Variants in FRMD4A observed in about 807,000 individuals in gnomAD.
The protein encoded by FRMD4A is FERM domain containing 4A.
A neutral mutation model predicts 129.1 loss-of-function variants in FRMD4A; 29 were observed. The ratio of observed to expected loss-of-function variants is 0.22; its 90% CI spans 0.17 to 0.31. FRMD4A has a LOEUF of 0.31. Ranked by LOEUF, FRMD4A falls within the 10% of genes least tolerant of loss-of-function variation. The pLI, the probability that FRMD4A is intolerant of heterozygous loss-of-function variation, is 1.00. For synonymous variants in FRMD4A, 634 were observed against 571.6 expected (o/e 1.11, Z -1.56); for missense variants, 1,272 against 1,375.8 (o/e 0.92, Z 1.19).
chr10:14,153,504 A>G (rs1840443421), intron 2 of FRMD4A, among the ~76,000 whole-genome samples: 1 of 152,178 alleles, frequency 6.6e-6, no homozygotes, highest in Non-Finnish European at 1.5e-5. Flanking sequence ...GCAGCAACCA[A>G]TCAGAACTGG....
chr10:14,020,266 A>G (rs1402884206), intron 2 of FRMD4A, among the ~76,000 whole-genome samples: 5 of 152,306 alleles, frequency 3.3e-5, no homozygotes, highest in South Asian at 2.1e-4. Context: ...AGTGATGACA[A>G]CTAATTATGA....
At chr10:13,816,689 A>G (rs927823828) in intron 3 of FRMD4A, among the ~76,000 whole-genome samples, 1 of 152,220 alleles carries the variant, frequency 6.6e-6, no homozygotes, top group African/African-American at 2.4e-5. Context: ...ATCTGCTCTT[A>G]TGTGCTTTGA....
At chr10:14,247,645 T>A (rs1015684515) in intron 2 of FRMD4A, among the ~76,000 whole-genome samples, 2 of 152,154 alleles carry the variant, frequency 1.3e-5, no homozygotes, top group African/African-American at 4.8e-5. Flanking sequence ...ACATTTATTC[T>A]TTTCCTTTAA....
chr10:14,073,927 C>T (rs996599744), intron 2 of FRMD4A, among the ~76,000 whole-genome samples: 3 of 152,076 alleles, frequency 2.0e-5, no homozygotes, highest in African/African-American at 7.2e-5. Flanking sequence ...GACTGGGCAA[C>T]ATAGTGAAAC....
intron 2 of FRMD4A, among the ~76,000 whole-genome samples, chr10:14,048,591 A>C (rs1290845636): frequency 6.6e-6 from 1 of 152,050 alleles, no homozygotes; most frequent in Non-Finnish European, 1.5e-5. Context: ...GGATCACTTG[A>C]GGTCAGGAGT....
intron 2 of FRMD4A, among the ~76,000 whole-genome samples, chr10:14,293,558 T>C (rs1465675308): frequency 6.6e-6 from 1 of 151,978 alleles, no homozygotes; most frequent in Non-Finnish European, 1.5e-5. Context: ...CACCTAACAC[T>C]TAGCATTGTA....
chr10:13,824,178 T>C (rs918044859), intron 3 of FRMD4A, among the ~76,000 whole-genome samples: 1 of 151,802 alleles, frequency 6.6e-6, no homozygotes, highest in African/African-American at 2.4e-5. Context: ...TCAAAAATAC[T>C]TAAAAACAAA....
chr10:13,753,039 G>T (rs768113139), intron 8 of FRMD4A, among the ~76,000 whole-genome samples: 1 of 152,146 alleles, frequency 6.6e-6, no homozygotes, highest in Non-Finnish European at 1.5e-5. Context: ...AGACCCTAAA[G>T]TTCTAGATAT....
chr10:13,792,696 C>A lies in FRMD4A; in HGVS notation c.299+3800G>T, dbSNP rs573566126. On this transcript the variant is annotated intron_variant, in intron 5 of 24. Coordinates refer to ENST00000357447, the MANE Select transcript of FRMD4A (RefSeq NM_018027.5). ...TAGTTCCCGCCTCTCCAGTCTTTATCCTTTTTGGGTAATTATTAAGACCCT... is the reference window on the plus strand; with the variant it reads ...TAGTTCCCGCCTCTCCAGTCTTTATACTTTTTGGGTAATTATTAAGACCCT... Among the ~76,000 whole-genome samples the A allele has an allele frequency of 2.0e-5, 3 of 152,288 alleles. No homozygotes were observed. In the South Asian group the frequency reaches 6.2e-4, roughly 32 times the overall value.
intron 2 of FRMD4A, among the ~76,000 whole-genome samples, chr10:14,186,566 C>A (rs887574194): frequency 1.3e-5 from 2 of 152,210 alleles, no homozygotes; most frequent in African/African-American, 4.8e-5. Flanking sequence ...GCACACTGGG[C>A]AGTGACCCTT....
In FRMD4A at chr10:14,093,763, T is replaced by C. The variant is rs185137899; in HGVS notation, c.46-234851A>G. On this transcript the variant is annotated intron_variant, in intron 2 of 24. Transcript: ENST00000357447. ...CCTGCTTAAAGCTGCAGTTTGTCTCTTATTAGTTACAAATGTCACAGCCCA... is the reference window on the plus strand; with the variant it reads ...CCTGCTTAAAGCTGCAGTTTGTCTCCTATTAGTTACAAATGTCACAGCCCA... Among the ~76,000 whole-genome samples the C allele has an allele frequency of 3.3e-3, 504 of 152,336 alleles. 3 individuals carry two copies. The highest frequency in any genetic ancestry group is 4.9e-3 in the Non-Finnish European group (332 of 68,034).
At chr10:14,297,479 A>G (rs1205232482) in intron 2 of FRMD4A, among the ~76,000 whole-genome samples, 1 of 152,152 alleles carries the variant, frequency 6.6e-6, no homozygotes, top group East Asian at 1.9e-4. Context: ...GGAAGTATGG[A>G]TGGCTCATCA....
At chr10:14,219,819 T>C (rs1168101819) in intron 2 of FRMD4A, among the ~76,000 whole-genome samples, 1 of 152,062 alleles carries the variant, frequency 6.6e-6, no homozygotes, top group East Asian at 1.9e-4. Context: ...AGAAATGATG[T>C]TTTTGGTCAA....
At chr10:13,983,950 C>T (rs992230656) in intron 2 of FRMD4A, among the ~76,000 whole-genome samples, 9 of 151,944 alleles carry the variant, frequency 5.9e-5, no homozygotes, top group African/African-American at 1.9e-4. Context: ...TTGCAGTGAG[C>T]CGAGACTGCG....
At chr10:14,285,952 C>T (rs1384128965) in intron 2 of FRMD4A, among the ~76,000 whole-genome samples, 3 of 152,152 alleles carry the variant, frequency 2.0e-5, no homozygotes, top group African/African-American at 4.8e-5. Flanking sequence ...TAGTCAAAAA[C>T]GCAAGATGGC....
intron 2 of FRMD4A, among the ~76,000 whole-genome samples, chr10:14,294,337 C>A (rs1845941541): frequency 6.6e-6 from 1 of 152,188 alleles, no homozygotes; most frequent in Admixed American, 6.5e-5. Flanking sequence ...GAGGTCCAAA[C>A]TGCTTAGTGT....
chr10:13,758,227 C>A (rs966500592), intron 8 of FRMD4A, among the ~76,000 whole-genome samples: 4 of 152,132 alleles, frequency 2.6e-5, no homozygotes, highest in African/African-American at 9.7e-5. Flanking sequence ...AGATTCAGGA[C>A]CTTTCAGGCT....
chr10:14,085,655 G>A (rs1470115574), intron 2 of FRMD4A, among the ~76,000 whole-genome samples: 2 of 152,204 alleles, frequency 1.3e-5, no homozygotes, highest in African/African-American at 4.8e-5. Flanking sequence ...AGCTCAGCCT[G>A]TGGAACACAG....
chr10:13,868,984 C>T (rs1035206125), intron 2 of FRMD4A, among the ~76,000 whole-genome samples: 12 of 152,190 alleles, frequency 7.9e-5, no homozygotes, highest in Admixed American at 4.6e-4. Flanking sequence ...CAACCCTCTG[C>T]GGGTTTGCAC....
Sources: allele counts gnomAD v4.1 joint callset (sites outside exome capture counted in the v4.1 genomes callset), GRCh38; gene constraint gnomAD v4.1.1; transcripts MANE v1.5; gene names NCBI Gene and HGNC (gene_info 2026-07-23, HGNC 2026-07-21).